The following LTN1 variants were observed in gnomAD, a reference collection of about 807,000 sequenced individuals.
The protein encoded by LTN1 is E3 ubiquitin-protein ligase listerin.
A neutral mutation model predicts 201.2 loss-of-function variants in LTN1; 88 were observed. The observed-to-expected ratio is 0.44, with a 90% CI of 0.37 to 0.52. The LOEUF is 0.52. Among genes scored for constraint, LTN1 ranks in the 20% least tolerant of loss-of-function variants. The probability of loss-of-function intolerance (pLI) is 0.00; values close to 1 mark genes in which losing one functional copy is unlikely to be tolerated. For synonymous variants in LTN1, 645 were observed against 713.5 expected, an observed-to-expected ratio of 0.90 and a Z score of 1.53; for missense variants, 1,752 against 2,038.7, an observed-to-expected ratio of 0.86 and a Z score of 2.71.
chr21:28,969,222 CA>C (rs35733846), intron 9 of LTN1, among the ~76,000 whole-genome samples: 5 of 145,232 alleles, frequency 3.4e-5, no homozygotes, highest in South Asian at 2.2e-4. Flanking sequence ...AACTTTGTCT[CA>C]AAAAAAAAAG....
intron 6 of LTN1, among the ~76,000 whole-genome samples, chr21:28,978,178 C>A (rs1267655081): frequency 6.6e-6 from 1 of 151,976 alleles, no homozygotes; most frequent in East Asian, 1.9e-4. Context: ...TAGGGGTGTG[C>A]CACCACACCC....
intron 1 of LTN1, among the ~76,000 whole-genome samples, chr21:28,988,952 C>T (rs561827810): frequency 3.8e-4 from 57 of 148,970 alleles, no homozygotes; most frequent in Admixed American, 2.0e-3. Context: ...GCAAAAAGAG[C>T]GAAACTCCAT....
intron 6 of LTN1, among the ~76,000 whole-genome samples, chr21:28,976,122 A>C (rs918245520): frequency 6.6e-6 from 1 of 152,118 alleles, no homozygotes; most frequent in Non-Finnish European, 1.5e-5. Context: ...TTTGGGTAAA[A>C]AAAAAAAAAG....
rs149523656 is a variant in LTN1 at position 28,965,467 on chromosome 21, G to A, written c.2163+398C>T. Among the ~76,000 whole-genome samples the A allele has an allele frequency of 3.3e-5, 5 of 152,252 alleles. No homozygotes were observed. In the East Asian group the frequency reaches 9.6e-4, roughly 29 times the overall value. On this transcript the variant is annotated intron_variant, in intron 11 of 29. Transcript: ENST00000361371. ...TACCTACATAGTGTTCCAGAGTAGA[G>A]AAAACTTAATTTTCTCATGTGTTCT...
At chr21:28,979,493 C>T (rs1045949337) in intron 6 of LTN1, among the ~76,000 whole-genome samples, 1 of 152,144 alleles carries the variant, frequency 6.6e-6, no homozygotes, top group African/African-American at 2.4e-5. Flanking sequence ...CATACAGGAA[C>T]ATGATGGATC....
At chr21:28,932,411 C>T (rs1202550954) in intron 28 of LTN1, 59 bp downstream of exon 28, 11 of 1,355,358 alleles carry the variant, frequency 8.1e-6, no homozygotes, top group Non-Finnish European at 1.1e-5. Flanking sequence ...TTTAAATGCC[C>T]TTTTAAATAG....
chr21:28,931,091 GTGTGTGTGTT>G (rs1568828947), intron 29 of LTN1, 54 bp downstream of exon 29: 5 of 920,338 alleles, frequency 5.4e-6, no homozygotes, highest in Admixed American at 1.9e-5. Context: ...GTGTGTGTGT[GTGTGTGTGTT>G]TATGTGTATA....
chr21:28,992,660 C>A, intron 1 of LTN1, 104 bp downstream of exon 1: 1 of 1,275,550 alleles, frequency 7.8e-7, no homozygotes, highest in Non-Finnish European at 1.1e-6. Flanking sequence ...GGGAAACACA[C>A]GCCTCCCTAC....
At chr21:28,977,439 T>C (rs1341266929) in intron 6 of LTN1, among the ~76,000 whole-genome samples, 1 of 150,254 alleles carries the variant, frequency 6.7e-6, no homozygotes, top group Admixed American at 6.6e-5. Context: ...TTAGGACATA[T>C]CATAAGGCCA....
In LTN1 at chr21:28,928,493, C is replaced by T. The variant is rs992998049; in HGVS notation, c.*1955G>A. 3.9e-5 allele frequency: 6 copies of T among 152,052 alleles called. No individual in the cohort carries two copies. The highest frequency in any genetic ancestry group is 1.2e-4 in the African/African-American group (5 of 41,406). The allele number at this position is 152,052 out of a possible 1,614,324, so 9.4% of individuals were successfully genotyped here. ...TAATCTCATGCAATTTTAAAATGTCCTTAAGCTAAAATTTTAAGGGCTGTA... is the reference window on the plus strand; with the variant it reads ...TAATCTCATGCAATTTTAAAATGTCTTTAAGCTAAAATTTTAAGGGCTGTA... On this transcript the variant is annotated 3_prime_UTR_variant, in exon 30 of 30. Coordinates refer to ENST00000361371, the MANE Select transcript of LTN1 (RefSeq NM_015565.3).
In LTN1 at chr21:28,970,713, C is replaced by G. The variant is rs139536393; in HGVS notation, c.1014G>C (p.Lys338Asn). The G allele has an allele frequency of 1.2e-6, 2 of 1,613,730 alleles. No individual in the cohort carries two copies. Among genetic ancestry groups the G allele is most frequent in the South Asian group, 2.2e-5 (2 of 91,048 alleles). Residue 338 changes from lysine to asparagine, a missense_variant, in exon 8 of 30, where the codon AAG becomes AAC. Transcript: ENST00000361371. Reference protein sequence around the residue: ...EDCWLHVNAKKSVFPKLSTVI... With the variant: ...EDCWLHVNAKNSVFPKLSTVI... ...CAGTTGATAGCTTGGGAAACACACT[C>G]TTTTTTGCATTTACATGAAGCCAAC... is the stretch of plus-strand genomic sequence containing the variant.
intron 25 of LTN1, among the ~76,000 whole-genome samples, chr21:28,937,546 T>C (rs965302772): frequency 3.3e-5 from 5 of 152,198 alleles, no homozygotes; most frequent in African/African-American, 1.2e-4. Context: ...TTCTGAACAC[T>C]ATGAATACTT....
At chr21:28,973,652 T>A (rs1601204389) in intron 6 of LTN1, among the ~76,000 whole-genome samples, 1 of 152,128 alleles carries the variant, frequency 6.6e-6, no homozygotes, top group African/African-American at 2.4e-5. Context: ...TGCTTAGAAA[T>A]CAAGCATTCA....
At position 28,986,644 on chromosome 21, in the gene LTN1, A is replaced by G. The variant is rs2084700464; in HGVS notation, c.246+87T>C. 6 of 1,023,174 alleles carry G rather than the reference A, an allele frequency of 5.9e-6. No homozygotes were observed. The highest frequency in any genetic ancestry group is 8.8e-6 in the Non-Finnish European group (6 of 681,968). 63.4% of individuals were successfully genotyped at this position (1,023,174 alleles called of 1,614,324 possible). Reference sequence around the variant, plus strand: ...AAAAGAACTTAGCAATAAATTGTTCATTTTTCTTTACATAAAACATGCTAA... The same window carrying G: ...AAAAGAACTTAGCAATAAATTGTTCGTTTTTCTTTACATAAAACATGCTAA... On this transcript the variant is annotated intron_variant, in intron 2 of 29. Transcript: ENST00000361371. The surrounding 1 kb of genome is among the most constrained non-coding windows in gnomAD (Gnocchi z 4.1).
At chr21:28,945,259 G>C (rs2084328655) in intron 21 of LTN1, among the ~76,000 whole-genome samples, 1 of 151,848 alleles carries the variant, frequency 6.6e-6, no homozygotes, top group African/African-American at 2.4e-5. Context: ...AAAGAAAACT[G>C]AGTCTCAAAT....
Position 28,969,473 on chromosome 21 carries a change from T to C in LTN1, c.1304A>G (p.Asn435Ser), listed in dbSNP as rs2084555099. 3.1e-6 allele frequency: 5 copies of C among 1,609,032 alleles called. No homozygotes were observed. The highest frequency in any genetic ancestry group is 1.3e-5 in the African/African-American group (1 of 74,554). Residue 435 changes from asparagine (N) to serine (S), a missense_variant, in exon 9 of 30, where the codon AAT (asparagine) becomes AGT (serine). Around this residue, in one of 3 missense-constraint regions of LTN1, gnomAD observed 1,211 missense variants for 1,312.8 expected, o/e 0.92. Transcript: ENST00000361371. ...GEEEIEQMLVNDQLIPFIDAV... is the reference protein window; with the variant it reads ...GEEEIEQMLVSDQLIPFIDAV... ...CTTTTACATTATAGATACCTGATCATTGACGAGCATCTGTTCAATCTCTTC... is the reference window on the plus strand; with the variant it reads ...CTTTTACATTATAGATACCTGATCACTGACGAGCATCTGTTCAATCTCTTC...
chr21:28,963,882 A>C (rs138855384), intron 11 of LTN1, among the ~76,000 whole-genome samples: 8 of 152,328 alleles, frequency 5.3e-5, no homozygotes, highest in African/African-American at 1.9e-4. Context: ...TGAGAGGTTC[A>C]AGACTTTAGT....
Position 28,952,752 on chromosome 21 carries a change from A to C in LTN1, c.3239+465T>G, listed in dbSNP as rs73342768. Among the ~76,000 whole-genome samples the C allele has an allele frequency of 9.0e-3, 1,376 of 152,356 alleles. 28 individuals are homozygous for C. Among genetic ancestry groups the C allele is most frequent in the African/African-American group, 0.032 (1,316 of 41,580 alleles). On this transcript the variant is annotated intron_variant, in intron 17 of 29. Transcript: ENST00000361371. ...GCAAGTGATAAACTCCTAAAAAGAA[A>C]GCAGTTCAATACAGTAATTTCAAAA...
At chr21:28,956,593 C>T (rs2084427281) in intron 16 of LTN1, among the ~76,000 whole-genome samples, 169 bp downstream of exon 16, 1 of 152,106 alleles carries the variant, frequency 6.6e-6, no homozygotes. Flanking sequence ...ATCTAATTTG[C>T]AATTTCACAT....
Sources: gnomAD v4.1 joint callset for allele counts (sites outside exome capture counted in the v4.1 genomes callset) on GRCh38, gnomAD v4.1.1 for gene constraint, gnomAD v4.1.1 regional missense constraint, Gnocchi (gnomAD v3.1) non-coding constraint, MANE v1.5 for transcripts, NCBI Gene and HGNC (gene_info 2026-07-23, HGNC 2026-07-21) for gene names.